Variants in RNF111 observed in about 807,000 individuals in gnomAD.
RNF111 encodes ring finger protein 111, also known as E3 ubiquitin-protein ligase Arkadia.
Under a neutral mutation model 95.1 loss-of-function variants are expected in RNF111, and 17 were observed. That is an observed-to-expected ratio of 0.18 (90% CI 0.12 to 0.27). RNF111 has a LOEUF of 0.27. RNF111 is among the 10% of genes least tolerant of loss of function. The pLI, the probability that RNF111 is intolerant of heterozygous loss-of-function variation, is 1.00. For synonymous variants in RNF111, 440 were observed against 414.8 expected (o/e 1.06, Z -0.74); for missense variants, 1,189 against 1,210.4 (o/e 0.98, Z 0.26).
intron 6 of RNF111, among the ~76,000 whole-genome samples, chr15:59,068,037 A>G (rs541322902): frequency 2.6e-5 from 4 of 152,334 alleles, no homozygotes; most frequent in African/African-American, 7.2e-5. Context: ...AAAGAAGTCA[A>G]GCGTTCCATG....
At chr15:58,995,567 T>TC (rs2141388521) in intron 1 of RNF111, among the ~76,000 whole-genome samples, 1 of 151,846 alleles carries the variant, frequency 6.6e-6, no homozygotes, top group African/African-American at 2.4e-5. Context: ...CAAGCAATTC[T>TC]CTGCCTCAGC....
At chr15:59,019,990 A>G (rs1478974974) in intron 1 of RNF111, among the ~76,000 whole-genome samples, 3 of 151,924 alleles carry the variant, frequency 2.0e-5, no homozygotes, top group Non-Finnish European at 4.4e-5. Context: ...GTATTTATTG[A>G]TAGGAAAATA....
chr15:59,068,215 G>T (rs531881113), intron 6 of RNF111, among the ~76,000 whole-genome samples: 4 of 151,852 alleles, frequency 2.6e-5, no homozygotes, highest in Non-Finnish European at 4.4e-5. Flanking sequence ...GTGAGATGCT[G>T]TCTCAAAAAA....
At chr15:59,078,907 C>G (rs748821264) in intron 7 of RNF111, among the ~76,000 whole-genome samples, 1 of 150,996 alleles carries the variant, frequency 6.6e-6, no homozygotes, top group South Asian at 2.1e-4. Context: ...AGGCTACTTA[C>G]GATTAATCAT....
chr15:59,093,011 A>G (rs1409342957), intron 13 of RNF111, among the ~76,000 whole-genome samples: 2 of 152,234 alleles, frequency 1.3e-5, no homozygotes, highest in African/African-American at 4.8e-5. Flanking sequence ...CTGAAAAAAA[A>G]GAGTAAAAGT....
At chr15:59,026,168 T>G (rs1193170808) in intron 1 of RNF111, among the ~76,000 whole-genome samples, 2 of 152,200 alleles carry the variant, frequency 1.3e-5, no homozygotes, top group Non-Finnish European at 2.9e-5. Context: ...TATCACAGTT[T>G]AGAAGTAGAG....
chr15:59,041,171 C>G (rs981857479), intron 2 of RNF111, among the ~76,000 whole-genome samples: 1 of 152,164 alleles, frequency 6.6e-6, no homozygotes, highest in Non-Finnish European at 1.5e-5. Flanking sequence ...ATCATACTCC[C>G]TTGCATGGTT....
chr15:59,025,054 A>T (rs2040532463), intron 1 of RNF111, among the ~76,000 whole-genome samples: 2 of 152,126 alleles, frequency 1.3e-5, no homozygotes, highest in Admixed American at 6.5e-5. Context: ...ACATTTGTTT[A>T]TCTATTCATC....
chr15:58,995,435 G>A (rs2039020558), intron 1 of RNF111, among the ~76,000 whole-genome samples: 1 of 150,948 alleles, frequency 6.6e-6, no homozygotes, highest in Non-Finnish European at 1.5e-5. Context: ...TTTCCAAGTG[G>A]GCTCCTGTGT....
intron 2 of RNF111, among the ~76,000 whole-genome samples, chr15:59,038,733 A>G (rs775309580): frequency 6.6e-6 from 1 of 152,140 alleles, no homozygotes; most frequent in African/African-American, 2.4e-5. Flanking sequence ...TCATTTCTGT[A>G]AACTGGTAGG....
At chr15:59,080,114 CTTTTT>C (rs1194255542) in intron 7 of RNF111, among the ~76,000 whole-genome samples, 3 of 85,446 alleles carry the variant, frequency 3.5e-5, no homozygotes, top group African/African-American at 1.6e-4. Flanking sequence ...TTGTGTGCTC[CTTTTT>C]TTTTTTTTTT....
intron 2 of RNF111, among the ~76,000 whole-genome samples, chr15:59,042,278 C>A (rs2041502096): frequency 6.6e-6 from 1 of 151,998 alleles, no homozygotes; most frequent in African/African-American, 2.4e-5. Context: ...AAGTGCACAC[C>A]CCCACGCCTG....
At chr15:59,034,294 A>G (rs889998478) in intron 2 of RNF111, among the ~76,000 whole-genome samples, 11 of 152,248 alleles carry the variant, frequency 7.2e-5, no homozygotes, top group Non-Finnish European at 1.2e-4. Context: ...ATGTAAGTGT[A>G]TCTTAAGGAA....
At chr15:59,092,371 T>C in intron 12 of RNF111, 166 bp from the exon 13 acceptor site, 1 of 552,042 alleles carries the variant, frequency 1.8e-6, no homozygotes, top group East Asian at 3.3e-5. Context: ...TAATTGATGA[T>C]AGTCACTTAA....
In RNF111 at chr15:59,095,835, TAAGTC is replaced by T; in HGVS notation, c.*939_*943del. On this transcript the variant is annotated 3_prime_UTR_variant, in exon 14 of 14. Coordinates refer to ENST00000348370, the MANE Select transcript of RNF111 (RefSeq NM_017610.8). ...GCTTACATTGATTTTGTAGACACAT[TAAGTC>T]AAGATTTGGAATTTAAGTCACTGGC... The T allele has an allele frequency of 5.1e-6, 2 of 395,098 alleles. No homozygotes were observed. Among genetic ancestry groups the T allele is most frequent in the Non-Finnish European group, 8.9e-6 (2 of 224,004 alleles). 24.5% of individuals were successfully genotyped at this position (395,098 alleles called of 1,614,324 possible).
At chr15:58,990,715 T>C (rs1202404275) in intron 1 of RNF111, among the ~76,000 whole-genome samples, 3 of 152,208 alleles carry the variant, frequency 2.0e-5, no homozygotes, top group African/African-American at 7.2e-5. Context: ...TGTTGTCCCA[T>C]TGTAGATATT....
At chr15:59,016,438 C>A (rs1430716161) in intron 1 of RNF111, among the ~76,000 whole-genome samples, 1 of 152,054 alleles carries the variant, frequency 6.6e-6, no homozygotes, top group Non-Finnish European at 1.5e-5. Flanking sequence ...TATTTATATT[C>A]TGTAATTCTT....
Position 59,071,298 on chromosome 15 carries a change from C to CAA in RNF111, c.1686+4233_1686+4234dup, listed in dbSNP as rs35775103. 4.1e-4 allele frequency among the ~76,000 whole-genome samples: 39 copies of CAA among 95,004 alleles called. No homozygotes were observed. In the South Asian group the frequency reaches 4.8e-3, roughly 12 times the overall value. 62.3% of individuals were successfully genotyped at this position (95,004 alleles called of 152,430 possible). ...TGGGCAACAGAGCGAGACTCCATCT[C>CAA]AAAAAAAAAAAAAAAAAAAGAATAC... On this transcript the variant is annotated intron_variant, in intron 6 of 13. Transcript: ENST00000348370.
intron 2 of RNF111, among the ~76,000 whole-genome samples, chr15:59,043,410 G>T (rs1395990295): frequency 6.6e-6 from 1 of 152,126 alleles, no homozygotes; most frequent in African/African-American, 2.4e-5. Context: ...GCCTGCCTTG[G>T]CCTTGCAAAG....
Sources: gnomAD v4.1 joint callset for allele counts (sites outside exome capture counted in the v4.1 genomes callset) on GRCh38, gnomAD v4.1.1 for gene constraint, MANE v1.5 for transcripts, NCBI Gene and HGNC (gene_info 2026-07-23, HGNC 2026-07-21) for gene names.